The following TMEM132B variants were observed in gnomAD, a reference collection of about 807,000 sequenced individuals.
TMEM132B encodes the protein transmembrane protein 132B.
In TMEM132B, 18 loss-of-function variants were observed where a neutral mutation model predicts 90.8. That is an observed-to-expected ratio of 0.20 (90% CI 0.14 to 0.29). The LOEUF (loss-of-function observed/expected upper bound fraction) is 0.29. Ranked by LOEUF, TMEM132B falls within the 10% of genes least tolerant of loss-of-function variation. The probability of loss-of-function intolerance (pLI) is 1.00; values close to 1 mark genes in which losing one functional copy is unlikely to be tolerated. For missense variants in TMEM132B, 1,096 were observed against 1,326.8 expected, an observed-to-expected ratio of 0.83 and a Z score of 2.70; for synonymous variants, 504 against 523.3, an observed-to-expected ratio of 0.96 and a Z score of 0.50.
At chr12:125,281,890 A>T (rs895396482) in intron 1 of TMEM132B, among the ~76,000 whole-genome samples, 6 of 151,534 alleles carry the variant, frequency 4.0e-5, no homozygotes, top group Non-Finnish European at 5.9e-5. Context: ...TAGCCGGGCG[A>T]GGTGGCAGGC....
intron 1 of TMEM132B, among the ~76,000 whole-genome samples, chr12:125,317,040 G>A (rs1028077987): frequency 6.6e-6 from 1 of 152,112 alleles, no homozygotes; most frequent in East Asian, 1.9e-4. Flanking sequence ...AGCAGAATGG[G>A]GGGCTCCCGA....
chr12:125,643,734 C>T (rs1223540785), intron 5 of TMEM132B, among the ~76,000 whole-genome samples: 1 of 151,928 alleles, frequency 6.6e-6, no homozygotes, highest in Non-Finnish European at 1.5e-5. Flanking sequence ...CTATGAGGCA[C>T]CTGGGGTTTG....
intron 2 of TMEM132B, among the ~76,000 whole-genome samples, chr12:125,412,963 C>T (rs979143088): frequency 6.6e-6 from 1 of 152,010 alleles, no homozygotes; most frequent in Non-Finnish European, 1.5e-5. Flanking sequence ...TCTGAGTCTC[C>T]GGGAATTGCG....
chr12:125,382,885 CTG>C (rs1322614503), intron 2 of TMEM132B, among the ~76,000 whole-genome samples: 2 of 152,158 alleles, frequency 1.3e-5, no homozygotes, highest in African/African-American at 4.8e-5. Flanking sequence ...CTTGGTCACT[CTG>C]TGAATTGCTG....
intron 5 of TMEM132B, among the ~76,000 whole-genome samples, chr12:125,638,384 T>C (rs1027821178): frequency 6.6e-6 from 1 of 152,240 alleles, no homozygotes; most frequent in Non-Finnish European, 1.5e-5. Context: ...CATTTATTAT[T>C]AGTTAAAAAC....
intron 3 of TMEM132B, among the ~76,000 whole-genome samples, chr12:125,470,989 G>A (rs1201907488): frequency 6.6e-6 from 1 of 152,240 alleles, no homozygotes; most frequent in East Asian, 1.9e-4. Context: ...TTAAGCCTGA[G>A]GTCGTACCTC....
chr12:125,533,421 G>A (rs1333445040), intron 4 of TMEM132B, among the ~76,000 whole-genome samples: 1 of 152,160 alleles, frequency 6.6e-6, no homozygotes, highest in African/African-American at 2.4e-5. Context: ...CCTTCCCAGG[G>A]CCCTCCAGCT....
chr12:125,592,528 T>A (rs1195570883), intron 5 of TMEM132B, among the ~76,000 whole-genome samples: 1 of 151,762 alleles, frequency 6.6e-6, no homozygotes, highest in African/African-American at 2.4e-5. Context: ...GGTAAGGCAG[T>A]GGATGTCAGA....
intron 1 of TMEM132B, among the ~76,000 whole-genome samples, chr12:125,224,615 G>A (rs1291240602): frequency 2.6e-5 from 4 of 152,188 alleles, no homozygotes; most frequent in Admixed American, 2.6e-4. Flanking sequence ...GCCTGTCTTG[G>A]GGCAGCACTT....
chr12:125,392,373 A>G (rs915395407), intron 2 of TMEM132B, among the ~76,000 whole-genome samples: 1 of 152,272 alleles, frequency 6.6e-6, no homozygotes, highest in Non-Finnish European at 1.5e-5. Flanking sequence ...GTGCTGTGTC[A>G]TGGAAATACA....
At chr12:125,243,688 G>T (rs927195211) in intron 1 of TMEM132B, among the ~76,000 whole-genome samples, 2 of 152,202 alleles carry the variant, frequency 1.3e-5, no homozygotes, top group Non-Finnish European at 2.9e-5. Context: ...CCAATAGGTA[G>T]TTTTTCCAGC....
chr12:125,457,948 C>A (rs1881337452), intron 3 of TMEM132B, among the ~76,000 whole-genome samples: 1 of 152,134 alleles, frequency 6.6e-6, no homozygotes, highest in African/African-American at 2.4e-5. Context: ...TAATGGAAAG[C>A]AAGGCCTGCT....
At chr12:125,511,698 A>G (rs891526057) in intron 3 of TMEM132B, among the ~76,000 whole-genome samples, 3 of 151,856 alleles carry the variant, frequency 2.0e-5, no homozygotes, top group Admixed American at 6.6e-5. Flanking sequence ...TAAAAATACA[A>G]AAAATTAGCC....
intron 5 of TMEM132B, among the ~76,000 whole-genome samples, chr12:125,618,189 A>T (rs1322012966): frequency 6.6e-6 from 1 of 152,150 alleles, no homozygotes; most frequent in Non-Finnish European, 1.5e-5. Context: ...AGCCTCTAGT[A>T]TTCTCAGCCT....
chr12:125,256,730 G>A (rs1014341102), intron 1 of TMEM132B, among the ~76,000 whole-genome samples: 1 of 152,166 alleles, frequency 6.6e-6, no homozygotes, highest in African/African-American at 2.4e-5. Context: ...TGCAAAAACC[G>A]CAATTACTTT....
At chr12:125,227,324 C>T (rs956037950) in intron 1 of TMEM132B, among the ~76,000 whole-genome samples, 1 of 152,124 alleles carries the variant, frequency 6.6e-6, no homozygotes, top group African/African-American at 2.4e-5. Context: ...CAAAACCCCA[C>T]GAGAAAGGCA....
At chr12:125,457,280 G>T (rs1881317413) in intron 3 of TMEM132B, among the ~76,000 whole-genome samples, 2 of 152,074 alleles carry the variant, frequency 1.3e-5, no homozygotes, top group Admixed American at 6.5e-5. Context: ...TTTTTCTCCT[G>T]ATTTTGCTTA....
At position 125,344,690 on chromosome 12, in the gene TMEM132B, T is replaced by C. The variant is rs142595804; in HGVS notation, c.68-4762T>C. ...GAGAGCAAGGGAGCAGGGAACTACA[T>C]TGGCATGAGTGGAATGGCTGAAGTT... On this transcript the variant is annotated intron_variant, in intron 1 of 8. Transcript: ENST00000682704. Among the ~76,000 whole-genome samples the C allele has an allele frequency of 1.2e-4, 19 of 152,154 alleles. No individual in the cohort carries two copies. In the East Asian group the frequency reaches 1.9e-3, roughly 16 times the overall value.
chr12:125,377,724 G>T (rs905152521), intron 2 of TMEM132B, among the ~76,000 whole-genome samples: 4 of 152,044 alleles, frequency 2.6e-5, no homozygotes, highest in African/African-American at 9.7e-5. Flanking sequence ...TCTTGGAGTT[G>T]GACAGATCCC....
Sources: gnomAD v4.1 joint callset for allele counts (sites outside exome capture counted in the v4.1 genomes callset) on GRCh38, gnomAD v4.1.1 for gene constraint, MANE v1.5 for transcripts, NCBI Gene and HGNC (gene_info 2026-07-23, HGNC 2026-07-21) for gene names.